The following LRRC1 variants were observed in gnomAD, a reference collection of about 807,000 sequenced individuals.
LRRC1 encodes the protein leucine rich repeat containing 1, also known as leucine-rich repeat-containing protein 1.
A neutral mutation model predicts 69.9 loss-of-function variants in LRRC1; 28 were observed. The observed-to-expected ratio is 0.40, with a 90% CI of 0.30 to 0.55. The LOEUF is 0.55. Ranked by LOEUF, LRRC1 falls within the 20% of genes least tolerant of loss-of-function variation. The pLI is 0.47. For missense variants in LRRC1, 498 were observed against 609.0 expected (o/e 0.82, Z 1.92); for synonymous variants, 236 against 240.2 (o/e 0.98, Z 0.16).
intron 10 of LRRC1, among the ~76,000 whole-genome samples, chr6:53,909,067 A>T (rs957832918): frequency 2.0e-5 from 3 of 152,234 alleles, no homozygotes; most frequent in Non-Finnish European, 4.4e-5. Flanking sequence ...CTAGGAAAAC[A>T]TTTATGGATA....
At chr6:53,871,212 G>T (rs145706636) in intron 2 of LRRC1, among the ~76,000 whole-genome samples, 337 of 152,268 alleles carry the variant, frequency 2.2e-3, no homozygotes, top group Admixed American at 5.2e-3. Context: ...AGGAACCGCC[G>T]TAGTTTTTCA....
At chr6:53,867,629 T>C (rs556617928) in intron 2 of LRRC1, among the ~76,000 whole-genome samples, 1 of 152,310 alleles carries the variant, frequency 6.6e-6, no homozygotes, top group African/African-American at 2.4e-5. Flanking sequence ...TTTGAATTAA[T>C]GAAAAGTATG....
At chr6:53,797,303 T>G (rs1369215070) in intron 1 of LRRC1, among the ~76,000 whole-genome samples, 1 of 152,206 alleles carries the variant, frequency 6.6e-6, no homozygotes, top group African/African-American at 2.4e-5. Flanking sequence ...ATCTTGCTAA[T>G]GGATTATTAT....
At chr6:53,877,241 C>T (rs903971176) in intron 2 of LRRC1, among the ~76,000 whole-genome samples, 1 of 152,178 alleles carries the variant, frequency 6.6e-6, no homozygotes, top group Admixed American at 6.5e-5. Context: ...GGATGCAGGG[C>T]ACCAGGTCCC....
At chr6:53,817,105 C>T (rs1176597676) in intron 1 of LRRC1, among the ~76,000 whole-genome samples, 1 of 152,150 alleles carries the variant, frequency 6.6e-6, no homozygotes, top group African/African-American at 2.4e-5. Context: ...ATTACAGCCC[C>T]TAATTTCAAT....
intron 4 of LRRC1, among the ~76,000 whole-genome samples, chr6:53,885,849 G>A (rs1767457110): frequency 6.6e-6 from 1 of 152,142 alleles, no homozygotes; most frequent in Admixed American, 6.6e-5. Flanking sequence ...ATTTGAAGAA[G>A]TTTTTAGGAG....
chr6:53,869,630 G>A (rs543923893), intron 2 of LRRC1, among the ~76,000 whole-genome samples: 3 of 152,146 alleles, frequency 2.0e-5, no homozygotes, highest in South Asian at 2.1e-4. Flanking sequence ...TATGGACTGC[G>A]TACAATATGC....
At chr6:53,804,625 G>A (rs759326785) in intron 1 of LRRC1, among the ~76,000 whole-genome samples, 1 of 152,156 alleles carries the variant, frequency 6.6e-6, no homozygotes, top group African/African-American at 2.4e-5. Context: ...ATATAGCACT[G>A]TTATTTATTT....
At chr6:53,843,383 G>T (rs994438945) in intron 2 of LRRC1, among the ~76,000 whole-genome samples, 2 of 152,116 alleles carry the variant, frequency 1.3e-5, no homozygotes, top group African/African-American at 2.4e-5. Flanking sequence ...TCAGTACTTG[G>T]TTGGAAATAT....
chr6:53,844,727 A>G (rs1765886418), intron 2 of LRRC1, among the ~76,000 whole-genome samples: 1 of 152,098 alleles, frequency 6.6e-6, no homozygotes, highest in Non-Finnish European at 1.5e-5. Flanking sequence ...TTTGTGAGGG[A>G]TCCTGCAGAA....
intron 4 of LRRC1, 44 bp downstream of exon 4, chr6:53,883,020 G>C (rs1341320542): frequency 8.2e-7 from 1 of 1,226,482 alleles, no homozygotes; most frequent in East Asian, 2.4e-5. Flanking sequence ...GTGAAAGGGG[G>C]TTTATATCAT....
Position 53,841,180 on chromosome 6 carries a change from A to G in LRRC1, c.160-930A>G, listed in dbSNP as rs544904435. ...TTACCCCCTGCCCTCAGCTGTGCTT[A>G]GCTGTGGTAGGACTTACCTCTTCTG... On this transcript the variant is annotated intron_variant, in intron 1 of 13. Coordinates refer to ENST00000370888, the MANE Select transcript of LRRC1 (RefSeq NM_018214.5). Among the ~76,000 whole-genome samples the G allele has an allele frequency of 3.9e-5, 6 of 152,290 alleles. No individual in the cohort carries two copies. In the East Asian group the frequency reaches 1.2e-3, roughly 29 times the overall value.
At chr6:53,877,893 A>G (rs922597641) in intron 2 of LRRC1, among the ~76,000 whole-genome samples, 9 of 152,154 alleles carry the variant, frequency 5.9e-5, no homozygotes, top group Non-Finnish European at 1.3e-4. Flanking sequence ...ATTTTTGGGT[A>G]TCTTTTCAGC....
chr6:53,864,596 G>A (rs1013113521), intron 2 of LRRC1, among the ~76,000 whole-genome samples: 1 of 152,152 alleles, frequency 6.6e-6, no homozygotes, highest in African/African-American at 2.4e-5. Flanking sequence ...GCCTGCTTCT[G>A]CATCTGTTAA....
intron 3 of LRRC1, among the ~76,000 whole-genome samples, chr6:53,879,458 G>A (rs894652399): frequency 2.6e-5 from 4 of 152,022 alleles, no homozygotes; most frequent in African/African-American, 9.7e-5. Flanking sequence ...GCTAATTTTT[G>A]TATTTTTAGT....
chr6:53,911,555 TG>T (rs1311282016), intron 10 of LRRC1, among the ~76,000 whole-genome samples: 1 of 152,120 alleles, frequency 6.6e-6, no homozygotes, highest in African/African-American at 2.4e-5. Context: ...TTGCCCCCCT[TG>T]GGTCACACAT....
chr6:53,843,622 G>A (rs1765853388), intron 2 of LRRC1, among the ~76,000 whole-genome samples: 2 of 152,172 alleles, frequency 1.3e-5, no homozygotes, highest in Non-Finnish European at 2.9e-5. Flanking sequence ...TTTGGTCGCA[G>A]GGAACCCAGA....
chr6:53,875,804 T>C (rs73430300), intron 2 of LRRC1, among the ~76,000 whole-genome samples: 2,548 of 152,268 alleles, frequency 0.017, 75 homozygotes, highest in African/African-American at 0.059. Context: ...TATGGGTACA[T>C]AGTGATGCTT....
intron 2 of LRRC1, among the ~76,000 whole-genome samples, chr6:53,852,453 C>T (rs930557607): frequency 3.9e-5 from 6 of 152,130 alleles, no homozygotes; most frequent in Non-Finnish European, 7.3e-5. Flanking sequence ...ACTGTGCACC[C>T]ATATGCCAGC....
Sources: gnomAD v4.1 joint callset for allele counts (sites outside exome capture counted in the v4.1 genomes callset) on GRCh38, gnomAD v4.1.1 for gene constraint, MANE v1.5 for transcripts, NCBI Gene and HGNC (gene_info 2026-07-23, HGNC 2026-07-21) for gene names.